Variants in KCNB2 observed in about 807,000 individuals in gnomAD.
The protein encoded by KCNB2 is potassium voltage-gated channel subfamily B member 2, also known as delayed rectifier potassium channel protein.
Under a neutral mutation model 61.5 loss-of-function variants are expected in KCNB2, and 15 were observed. The ratio of observed to expected loss-of-function variants is 0.24; its 90% CI spans 0.16 to 0.38. KCNB2 has a LOEUF of 0.38. Ranked by LOEUF, KCNB2 falls within the 10% of genes least tolerant of loss-of-function variation. KCNB2 has a pLI of 1.00. For missense variants in KCNB2, 828 were observed against 1,125.2 expected (o/e 0.74, Z 3.78); for synonymous variants, 457 against 446.0 (o/e 1.02, Z -0.31).
At position 72,800,053 on chromosome 8, in the gene KCNB2, A is replaced by T. The variant is rs182964416; in HGVS notation, c.580-135882A>T. Among the ~76,000 whole-genome samples, 441 of 152,284 alleles carry T rather than the reference A, an allele frequency of 2.9e-3. 2 individuals are homozygous for T. Among genetic ancestry groups the T allele is most frequent in the African/African-American group, 8.6e-3 (357 of 41,570 alleles). The stretch of plus-strand genomic sequence containing the variant: ...CAAGGCGAAAACCAATTTAAATGTC[A>T]TCTGTAGGCCTTAAACTTTGAAAGG... On this transcript the variant is annotated intron_variant, in intron 2 of 2. Coordinates refer to ENST00000523207, the MANE Select transcript of KCNB2 (RefSeq NM_004770.3).
At chr8:72,664,477 A>G (rs1316823691) in intron 2 of KCNB2, among the ~76,000 whole-genome samples, 2 of 152,208 alleles carry the variant, frequency 1.3e-5, no homozygotes, top group Non-Finnish European at 2.9e-5. Context: ...GGTTCGATTA[A>G]TGGCCTGCTG....
In KCNB2 at chr8:72,790,797, T is replaced by C. The variant is rs190194001; in HGVS notation, c.580-145138T>C. Among the ~76,000 whole-genome samples the C allele has an allele frequency of 2.7e-3, 418 of 152,346 alleles. 2 individuals carry two copies. Among genetic ancestry groups the C allele is most frequent in the African/African-American group, 9.7e-3 (405 of 41,586 alleles). On this transcript the variant is annotated intron_variant, in intron 2 of 2. Transcript: ENST00000523207. ...TTGTATGTGTAATTTGTATAGAAGA[T>C]TTTCTTATACTTACTCTATGTCCAG...
chr8:72,839,489 A>C (rs1809840094), intron 2 of KCNB2, among the ~76,000 whole-genome samples: 1 of 152,174 alleles, frequency 6.6e-6, no homozygotes, highest in Admixed American at 6.5e-5. Context: ...CCACACACAA[A>C]ATATGTTCAA....
Position 72,819,219 on chromosome 8 carries a change from T to TA in KCNB2, c.580-116706dup, listed in dbSNP as rs200464235. On this transcript the variant is annotated intron_variant, in intron 2 of 2. Transcript: ENST00000523207. ...AGACCCATTTTGTTGCTCTGCTTTC[T>TA]AAAAAAAAAACATTACAGCACTACC... 4.6e-3 allele frequency among the ~76,000 whole-genome samples: 685 copies of TA among 148,042 alleles called. 15 individuals are homozygous for TA. Among genetic ancestry groups the TA allele is most frequent in the East Asian group, 0.043 (218 of 5,110 alleles).
At chr8:72,779,070 C>T (rs1385813975) in intron 2 of KCNB2, among the ~76,000 whole-genome samples, 2 of 152,246 alleles carry the variant, frequency 1.3e-5, no homozygotes, top group South Asian at 4.2e-4. Flanking sequence ...ACAGCAAGTA[C>T]ACAAACTGCT....
intron 2 of KCNB2, among the ~76,000 whole-genome samples, chr8:72,768,549 C>T (rs1808499398): frequency 1.3e-5 from 2 of 152,032 alleles, no homozygotes; most frequent in African/African-American, 4.8e-5. Context: ...TTTCATTTTG[C>T]TATAGTCCCA....
At chr8:72,765,188 C>A (rs1363594503) in intron 2 of KCNB2, among the ~76,000 whole-genome samples, 3 of 152,182 alleles carry the variant, frequency 2.0e-5, no homozygotes, top group Non-Finnish European at 2.9e-5. Context: ...TGAGCCCCAG[C>A]AATTAGGATG....
At chr8:72,802,182 T>TA (rs1322878315) in intron 2 of KCNB2, among the ~76,000 whole-genome samples, 1 of 152,198 alleles carries the variant, frequency 6.6e-6, no homozygotes, top group Non-Finnish European at 1.5e-5. Flanking sequence ...ACCACAGAGC[T>TA]GAATATTTTT....
chr8:72,574,919 A>G (rs1037251231), intron 2 of KCNB2, among the ~76,000 whole-genome samples: 5 of 152,152 alleles, frequency 3.3e-5, no homozygotes, highest in African/African-American at 9.7e-5. Context: ...AATATTTAAC[A>G]CTGTCCACTT....
At chr8:72,725,531 A>ATGTGTG (rs1484503816) in intron 2 of KCNB2, among the ~76,000 whole-genome samples, 1 of 18,376 alleles carries the variant, frequency 5.4e-5, no homozygotes, top group African/African-American at 2.2e-4. Flanking sequence ...ATATATATAT[A>ATGTGTG]TATATATATG....
chr8:72,574,370 A>G (rs1053960030), intron 2 of KCNB2, among the ~76,000 whole-genome samples: 6 of 152,240 alleles, frequency 3.9e-5, no homozygotes, highest in Non-Finnish European at 7.3e-5. Context: ...CTAGGGTGCC[A>G]TAGGTTATGG....
intron 2 of KCNB2, among the ~76,000 whole-genome samples, chr8:72,920,582 A>G (rs4389989): frequency 0.47 from 67,863 of 143,996 alleles, 17,285 homozygotes; most frequent in Middle Eastern, 0.6. Flanking sequence ...GGTGGAGGTC[A>G]CAGTGACCCT....
chr8:72,575,259 G>A (rs1358838176), intron 2 of KCNB2, among the ~76,000 whole-genome samples: 1 of 26,354 alleles, frequency 3.8e-5, no homozygotes, highest in African/African-American at 1.6e-4. Flanking sequence ...CCCCGCCCCA[G>A]CATGTTACAG....
At chr8:72,726,453 T>C (rs886696062) in intron 2 of KCNB2, among the ~76,000 whole-genome samples, 8 of 152,196 alleles carry the variant, frequency 5.3e-5, no homozygotes, top group Non-Finnish European at 7.4e-5. Context: ...AGTAAATACA[T>C]ACATAGATGA....
At chr8:72,542,997 G>A (rs1216989522) in intron 1 of KCNB2, among the ~76,000 whole-genome samples, 3 of 152,080 alleles carry the variant, frequency 2.0e-5, no homozygotes, top group African/African-American at 7.2e-5. Flanking sequence ...GCAATTCAAC[G>A]GAGTAGTTGT....
At chr8:72,925,540 G>A (rs76510794) in intron 2 of KCNB2, among the ~76,000 whole-genome samples, 7,559 of 152,196 alleles carry the variant, frequency 0.05, 593 homozygotes, top group African/African-American at 0.17. Flanking sequence ...CATATGGAGA[G>A]AAAGCTCAAC....
chr8:72,547,655 T>A (rs1806278952), intron 1 of KCNB2, among the ~76,000 whole-genome samples: 1 of 152,198 alleles, frequency 6.6e-6, no homozygotes, highest in Non-Finnish European at 1.5e-5. Context: ...TGTGACCTCA[T>A]AATCAAACTT....
At chr8:72,920,508 G>A (rs5005970) in intron 2 of KCNB2, among the ~76,000 whole-genome samples, 39,257 of 100,044 alleles carry the variant, frequency 0.39, 10,029 homozygotes, top group Non-Finnish European at 0.52. Flanking sequence ...ATGGTGGTGT[G>A]CACCTGTAGT....
At chr8:72,794,648 G>A (rs1437767727) in intron 2 of KCNB2, among the ~76,000 whole-genome samples, 1 of 151,760 alleles carries the variant, frequency 6.6e-6, no homozygotes, top group Non-Finnish European at 1.5e-5. Context: ...TAGGTTAAAG[G>A]TAGGTGACTA....
Sources: gnomAD v4.1 joint callset for allele counts (sites outside exome capture counted in the v4.1 genomes callset) on GRCh38, gnomAD v4.1.1 for gene constraint, MANE v1.5 for transcripts, NCBI Gene and HGNC (gene_info 2026-07-23, HGNC 2026-07-21) for gene names.